The following RBPMS variants were observed in gnomAD, a reference collection of about 807,000 sequenced individuals.
The protein encoded by RBPMS is RNA binding protein, mRNA processing factor, also known as RNA-binding protein with multiple splicing.
A neutral mutation model predicts 26.8 loss-of-function variants in RBPMS; 7 were observed. That is an observed-to-expected ratio of 0.26 (90% CI 0.15 to 0.49). The LOEUF (loss-of-function observed/expected upper bound fraction) is 0.49, where lower values mean the gene tolerates loss of function less well. Ranked by LOEUF, RBPMS falls within the 20% of genes least tolerant of loss-of-function variation. The pLI is 0.98. For synonymous variants in RBPMS, 96 were observed against 93.3 expected, an observed-to-expected ratio of 1.03 and a Z score of -0.17; for missense variants, 186 against 250.0, an observed-to-expected ratio of 0.74 and a Z score of 1.73.
At chr8:30,548,269 C>T (rs887106676) in intron 6 of RBPMS, among the ~76,000 whole-genome samples, 4 of 152,164 alleles carry the variant, frequency 2.6e-5, no homozygotes, top group Non-Finnish European at 5.9e-5. Flanking sequence ...CACACACTTC[C>T]GCCTCTTAGG....
intron 5 of RBPMS, among the ~76,000 whole-genome samples, chr8:30,543,485 C>A (rs1048913062): frequency 6.6e-6 from 1 of 152,178 alleles, no homozygotes; most frequent in Non-Finnish European, 1.5e-5. Flanking sequence ...CTAATGACTT[C>A]TATCAAATCA....
intron 5 of RBPMS, among the ~76,000 whole-genome samples, chr8:30,523,455 A>G (rs936273293): frequency 2.6e-5 from 4 of 151,852 alleles, no homozygotes; most frequent in African/African-American, 7.3e-5. Flanking sequence ...TAGGAATACA[A>G]TGAGATAATA....
At chr8:30,461,720 G>GA (rs1815934900) in intron 1 of RBPMS, among the ~76,000 whole-genome samples, 1 of 152,202 alleles carries the variant, frequency 6.6e-6, no homozygotes, top group Non-Finnish European at 1.5e-5. Flanking sequence ...AGAATACAGA[G>GA]AGATCACTTG....
At chr8:30,472,385 G>A (rs1476190713) in intron 1 of RBPMS, among the ~76,000 whole-genome samples, 1 of 152,226 alleles carries the variant, frequency 6.6e-6, no homozygotes, top group Non-Finnish European at 1.5e-5. Context: ...GATCAGAGCA[G>A]TGATTGCCTG....
intron 1 of RBPMS, among the ~76,000 whole-genome samples, chr8:30,450,787 CAAAAAAAAAAAAA>C (rs59577795): frequency 1.1e-5 from 1 of 87,386 alleles, no homozygotes; most frequent in African/African-American, 4.4e-5. Flanking sequence ...TGCCTGAAAG[CAAAAAAAAAAAAA>C]AAAAAAAAAA....
At chr8:30,484,947 A>G (rs983875068) in intron 4 of RBPMS, among the ~76,000 whole-genome samples, 6 of 152,234 alleles carry the variant, frequency 3.9e-5, no homozygotes, top group Non-Finnish European at 8.8e-5. Flanking sequence ...TTAGTTCTAT[A>G]CCAAGTTTCT....
At chr8:30,549,856 CTTTT>C (rs1184154625) in intron 6 of RBPMS, among the ~76,000 whole-genome samples, 1 of 94,396 alleles carries the variant, frequency 1.1e-5, no homozygotes, top group Non-Finnish European at 2.2e-5. Flanking sequence ...TTTCTTTCTT[CTTTT>C]TTTTTTCTGA....
chr8:30,412,369 T>C (rs1809542191), intron 1 of RBPMS, among the ~76,000 whole-genome samples: 1 of 152,176 alleles, frequency 6.6e-6, no homozygotes, highest in Non-Finnish European at 1.5e-5. Context: ...GGGCCAGCCC[T>C]GAGCCCAGAT....
intron 5 of RBPMS, among the ~76,000 whole-genome samples, chr8:30,539,705 A>C (rs1435706229): frequency 6.6e-6 from 1 of 151,084 alleles, no homozygotes; most frequent in Non-Finnish European, 1.5e-5. Context: ...GGCTCACTGC[A>C]ATCTGCACCT....
chr8:30,424,595 C>T (rs1375326964), intron 1 of RBPMS, among the ~76,000 whole-genome samples: 2 of 152,144 alleles, frequency 1.3e-5, no homozygotes, highest in East Asian at 3.8e-4. Flanking sequence ...TCTTTAACCT[C>T]TCTAGATCTT....
chr8:30,388,703 T>G (rs900944131), intron 1 of RBPMS, among the ~76,000 whole-genome samples: 4 of 152,046 alleles, frequency 2.6e-5, no homozygotes, highest in Admixed American at 2.0e-4. Context: ...GAAATTTAGA[T>G]TAAATATGTG....
At chr8:30,498,480 G>A (rs1260739416) in intron 4 of RBPMS, among the ~76,000 whole-genome samples, 1 of 152,206 alleles carries the variant, frequency 6.6e-6, no homozygotes, top group Non-Finnish European at 1.5e-5. Flanking sequence ...CAACAAGGAT[G>A]GGGAGAGACT....
intron 4 of RBPMS, among the ~76,000 whole-genome samples, chr8:30,487,348 G>T (rs987065103): frequency 6.6e-6 from 1 of 152,154 alleles, no homozygotes; most frequent in Non-Finnish European, 1.5e-5. Context: ...TTGAACTTTT[G>T]CTCCACAAAG....
chr8:30,437,920 C>T (rs1812646578), intron 1 of RBPMS, among the ~76,000 whole-genome samples: 1 of 151,848 alleles, frequency 6.6e-6, no homozygotes, highest in Non-Finnish European at 1.5e-5. Context: ...GATTGTGCTA[C>T]TGCACTCCAG....
intron 1 of RBPMS, among the ~76,000 whole-genome samples, chr8:30,387,729 C>T (rs1807279408): frequency 6.6e-6 from 1 of 152,202 alleles, no homozygotes; most frequent in Admixed American, 6.5e-5. Flanking sequence ...GTGGTTTGGG[C>T]TTTCTCCACA....
chr8:30,555,812 G>C (rs1162066616), intron 6 of RBPMS: 1 of 926,464 alleles, frequency 1.1e-6, no homozygotes, highest in Non-Finnish European at 1.3e-6. Flanking sequence ...GTGACCTGGG[G>C]CCAAAAGCCC....
At chr8:30,525,359 C>T (rs1390860487) in intron 5 of RBPMS, among the ~76,000 whole-genome samples, 1 of 152,194 alleles carries the variant, frequency 6.6e-6, no homozygotes, top group East Asian at 1.9e-4. Flanking sequence ...CTTGACCCTT[C>T]TCCTTCCTCC....
rs561699236 is a variant in RBPMS, at chr8:30,568,786, G to A, written c.*112-1851G>A. 1.1e-4 allele frequency among the ~76,000 whole-genome samples: 16 copies of A among 152,242 alleles called. No individual in the cohort carries two copies. The South Asian group carries it at 2.9e-3, about 28-fold the overall frequency. The stretch of plus-strand genomic sequence containing the variant: ...TAAGACATTCCAAGGTTTGAACTCC[G>A]CTCCTAGCTAAACCTCCTCCTTGTT... On this transcript the variant is annotated intron_variant, in intron 8 of 8. Transcript: ENST00000397323.
At chr8:30,458,837 GTGT>G (rs1450376741) in intron 1 of RBPMS, among the ~76,000 whole-genome samples, 1 of 152,098 alleles carries the variant, frequency 6.6e-6, no homozygotes, top group African/African-American at 2.4e-5. Context: ...TCAGTCTCCT[GTGT>G]ATCTGGGACC....
Sources: allele counts gnomAD v4.1 joint callset (sites outside exome capture counted in the v4.1 genomes callset), GRCh38; gene constraint gnomAD v4.1.1; transcripts MANE v1.5; gene names NCBI Gene and HGNC (gene_info 2026-07-23, HGNC 2026-07-21).